The following NAA16 variants were observed in gnomAD, a reference collection of about 807,000 sequenced individuals.
The protein encoded by NAA16 is NARG1-like protein.
Under a neutral mutation model 110.3 loss-of-function variants are expected in NAA16, and 97 were observed. That is an observed-to-expected ratio of 0.88 (90% confidence interval 0.75 to 1.04). NAA16 has a LOEUF of 1.04. Ranked by LOEUF, NAA16 falls within the 50% of genes least tolerant of loss-of-function variation. NAA16 has a pLI of 0.00. For synonymous variants in NAA16, 372 were observed against 330.6 expected (o/e 1.13, Z -1.36); for missense variants, 1,017 against 1,005.1 (o/e 1.01, Z -0.16).
intron 1 of NAA16, among the ~76,000 whole-genome samples, chr13:41,311,958 C>T (rs888010256): frequency 7.9e-5 from 12 of 152,230 alleles, no homozygotes; most frequent in African/African-American, 2.7e-4. Context: ...GTTTATTTTG[C>T]CAGTCTCTCC....
At chr13:41,314,885 T>C (rs2041767312) in intron 1 of NAA16, among the ~76,000 whole-genome samples, 1 of 152,122 alleles carries the variant, frequency 6.6e-6, no homozygotes, top group Admixed American at 6.5e-5. Flanking sequence ...TAGTCCTTCC[T>C]ATCCACTCAG....
At chr13:41,321,576 G>T (rs1377254118) in intron 4 of NAA16, among the ~76,000 whole-genome samples, 1 of 152,132 alleles carries the variant, frequency 6.6e-6, no homozygotes, top group Non-Finnish European at 1.5e-5. Flanking sequence ...TTTTATAATG[G>T]AAACCTAAAC....
intron 13 of NAA16, among the ~76,000 whole-genome samples, chr13:41,366,342 T>G (rs146761905): frequency 8.8e-4 from 134 of 152,314 alleles, no homozygotes; most frequent in African/African-American, 2.9e-3. Flanking sequence ...ATTACTAATA[T>G]GTCCTCTGCG....
Position 41,311,533 on chromosome 13 carries a change from C to G in NAA16, c.5C>G (p.Pro2Arg). Residue 2 changes from proline (P) to arginine (R), a missense_variant, in exon 1 of 20, where the codon CCG becomes CGG. Transcript: ENST00000379406. M[P>R]NVLLPPKESN... is the part of the protein sequence containing the mutation. Reference sequence around the variant, plus strand: ...CTAGCCTCCCTGCCGGCCACGATGCCGAACGTGCTGCTGCCGCCCAAGGAG... The same window carrying G: ...CTAGCCTCCCTGCCGGCCACGATGCGGAACGTGCTGCTGCCGCCCAAGGAG... 1 of 1,605,094 alleles carries G rather than the reference C, an allele frequency of 6.2e-7. No homozygotes were observed. The highest frequency in any genetic ancestry group is 8.5e-7 in the Non-Finnish European group (1 of 1,176,370).
intron 9 of NAA16, among the ~76,000 whole-genome samples, chr13:41,352,902 T>A (rs573604573): frequency 1.3e-5 from 2 of 152,174 alleles, no homozygotes; most frequent in African/African-American, 4.8e-5. Flanking sequence ...GTGGTACCCT[T>A]TATTGTTAAA....
At chr13:41,324,493 A>G (rs933618211) in intron 5 of NAA16, among the ~76,000 whole-genome samples, 26 of 144,210 alleles carry the variant, frequency 1.8e-4, no homozygotes, top group African/African-American at 6.2e-4. Flanking sequence ...ACCCTGCCTC[A>G]GCTTCCCGAG....
At chr13:41,320,584 T>G in intron 3 of NAA16, 83 bp from the exon 4 acceptor site, 1 of 1,284,696 alleles carries the variant, frequency 7.8e-7, no homozygotes, top group Non-Finnish European at 1.0e-6. Flanking sequence ...AAAATACCAT[T>G]TCCTTAATGT....
At chr13:41,371,730 A>G (rs1420783171) in intron 15 of NAA16, among the ~76,000 whole-genome samples, 1 of 152,218 alleles carries the variant, frequency 6.6e-6, no homozygotes, top group East Asian at 1.9e-4. Flanking sequence ...TGAAGTTGGG[A>G]GAGTCAGAAG....
intron 9 of NAA16, among the ~76,000 whole-genome samples, chr13:41,352,921 C>T (rs760752159): frequency 6.6e-6 from 1 of 152,032 alleles, no homozygotes; most frequent in African/African-American, 2.4e-5. Flanking sequence ...AAACTGACTT[C>T]TTTAAAAATA....
chr13:41,353,144 GT>G (rs2042884535), intron 9 of NAA16, among the ~76,000 whole-genome samples: 1 of 69,916 alleles, frequency 1.4e-5, no homozygotes, highest in East Asian at 5.9e-4. Flanking sequence ...CAAAACATAG[GT>G]TTCACCCTAG....
At chr13:41,358,770 C>A in intron 11 of NAA16, 40 bp from the exon 12 acceptor site, 1 of 1,533,890 alleles carries the variant, frequency 6.5e-7, no homozygotes, top group Non-Finnish European at 8.8e-7. Context: ...CTCATATTCT[C>A]TTGATTATAA....
At chr13:41,311,699 T>C in intron 1 of NAA16, 117 bp downstream of exon 1, 3 of 946,702 alleles carry the variant, frequency 3.2e-6, no homozygotes, top group Non-Finnish European at 4.8e-6. Flanking sequence ...CCCACCGCTC[T>C]TTGTTTACCT....
rs2043320906 is a variant in NAA16, at chr13:41,371,654, C to T, written c.1948-549C>T. 2.0e-5 allele frequency among the ~76,000 whole-genome samples: 3 copies of T among 152,242 alleles called. No homozygotes were observed. In the South Asian group the frequency reaches 6.2e-4, roughly 32 times the overall value. ...CAGTATACAATACATGTAACATACACAATATGTGTTAATCAGCTGTTCATG... is the reference window on the plus strand; with the variant it reads ...CAGTATACAATACATGTAACATACATAATATGTGTTAATCAGCTGTTCATG... On this transcript the variant is annotated intron_variant, in intron 15 of 19. Coordinates refer to ENST00000379406, the MANE Select transcript of NAA16 (RefSeq NM_024561.5).
At chr13:41,373,902 T>G in intron 18 of NAA16, 122 bp downstream of exon 18, 1 of 1,380,268 alleles carries the variant, frequency 7.2e-7, no homozygotes, top group Non-Finnish European at 9.4e-7. Flanking sequence ...GAGAGAAATG[T>G]GGACAAATTT....
At chr13:41,370,550 C>CT (rs35093173) in intron 15 of NAA16, among the ~76,000 whole-genome samples, 1 of 152,182 alleles carries the variant, frequency 6.6e-6, no homozygotes, top group Admixed American at 6.5e-5. Context: ...AGCTGCCAGT[C>CT]TTTCGGTTTT....
rs184966674 is a variant in NAA16, at chr13:41,357,967, A to G, written c.1088-337A>G. Among the ~76,000 whole-genome samples, 302 of 152,262 alleles carry G rather than the reference A, an allele frequency of 2.0e-3. 1 individual carries two copies. Among genetic ancestry groups the G allele is most frequent in the Middle Eastern group, 6.8e-3 (2 of 294 alleles). ...GTGGTAGTTAGGAAATCTCTTTGCC[A>G]AGTTTTTTTCCTTGACTTTTCCTGG... On this transcript the variant is annotated intron_variant, in intron 10 of 19. Coordinates refer to ENST00000379406, the MANE Select transcript of NAA16 (RefSeq NM_024561.5).
chr13:41,320,892 A>G, intron 4 of NAA16, 68 bp downstream of exon 4: 1 of 1,430,192 alleles, frequency 7.0e-7, no homozygotes. Flanking sequence ...GTCATTTCAG[A>G]ATGAGGTGAG....
intron 9 of NAA16, among the ~76,000 whole-genome samples, chr13:41,351,093 T>C (rs2042824133): frequency 6.6e-6 from 1 of 152,246 alleles, no homozygotes. Context: ...TGGTACACTT[T>C]GATTCCATTG....
At chr13:41,372,461 G>A (rs1041824135) in intron 16 of NAA16, 150 bp downstream of exon 16, 7 of 1,343,962 alleles carry the variant, frequency 5.2e-6, no homozygotes, top group Non-Finnish European at 5.7e-6. Context: ...AACTTAGGTG[G>A]GTAATAAATT....
Sources: gnomAD v4.1 joint callset for allele counts (sites outside exome capture counted in the v4.1 genomes callset) on GRCh38, gnomAD v4.1.1 for gene constraint, MANE v1.5 for transcripts, NCBI Gene and HGNC (gene_info 2026-07-23, HGNC 2026-07-21) for gene names.